TMC5: variants seen among roughly 807,000 people sequenced by gnomAD.
TMC5 encodes the protein transmembrane channel-like protein 5.
A neutral mutation model predicts 110.5 loss-of-function variants in TMC5; 86 were observed. The ratio of observed to expected loss-of-function variants is 0.78; its 90% confidence interval spans 0.65 to 0.93. TMC5 has a LOEUF of 0.93. TMC5 is among the 40% of genes least tolerant of loss of function. TMC5 has a pLI of 0.00. For synonymous variants in TMC5, 455 were observed against 439.5 expected (o/e 1.04, Z -0.44); for missense variants, 1,144 against 1,222.8 (o/e 0.94, Z 0.96).
intron 15 of TMC5, among the ~76,000 whole-genome samples, chr16:19,486,620 A>AC (rs35638661): frequency 0.098 from 14,910 of 151,424 alleles, 969 homozygotes; most frequent in East Asian, 0.36. Context: ...CAGGTGATTC[A>AC]CCCCCTCTTG....
intron 15 of TMC5, among the ~76,000 whole-genome samples, chr16:19,481,953 T>A (rs1287353804): frequency 6.6e-6 from 1 of 152,170 alleles, no homozygotes; most frequent in Non-Finnish European, 1.5e-5. Context: ...GAAGGCAACA[T>A]CTGGGAATCA....
In TMC5 at chr16:19,474,119, C is replaced by G. The variant is rs1968422108; in HGVS notation, c.1939-6C>G. On this transcript the variant is annotated splice_region_variant and splice_polypyrimidine_tract_variant and intron_variant, in intron 11 of 21. Coordinates refer to ENST00000542583, the MANE Select transcript of TMC5 (RefSeq NM_001261841.2). ...AGCCCTCCGTTCTCTCCCCCATCCC[C>G]TGCAGTTCCTGAAGACACACAGTAA... is the stretch of plus-strand genomic sequence containing the variant. 6.2e-7 allele frequency: 1 copy of G among 1,612,956 alleles called. No homozygotes were observed. Among genetic ancestry groups the G allele is most frequent in the Non-Finnish European group, 8.5e-7 (1 of 1,179,772 alleles).
At chr16:19,422,364 A>T (rs1967004164) in intron 1 of TMC5, among the ~76,000 whole-genome samples, 1 of 152,148 alleles carries the variant, frequency 6.6e-6, no homozygotes, top group Non-Finnish European at 1.5e-5. Context: ...GACATTTAGG[A>T]TACTGTATTT....
At chr16:19,481,495 G>C (rs1421854143) in intron 15 of TMC5, 30 bp downstream of exon 15, 1 of 1,504,230 alleles carries the variant, frequency 6.6e-7, no homozygotes, top group East Asian at 2.2e-5. Flanking sequence ...AAAATGCCCA[G>C]TGGTTCCCAC....
At position 19,497,120 on chromosome 16, in the gene TMC5, G is replaced by GC. The variant is rs1311294569; in HGVS notation, c.2932dup (p.Gln978ProfsTer11). 1.2e-6 allele frequency: 2 copies of GC among 1,613,694 alleles called. No homozygotes were observed. The highest frequency in any genetic ancestry group is 2.7e-5 in the African/African-American group (2 of 74,856). On this transcript the variant is annotated frameshift_variant and splice_region_variant. Coordinates refer to ENST00000542583, the MANE Select transcript of TMC5 (RefSeq NM_001261841.2). LOFTEE classifies it high-confidence loss of function. ...TGGCTGCTTGTTTTTTTCTTTTTCA[G>GC]CAACAAGGCTTTTTGCATTTGGGGG... is the stretch of plus-strand genomic sequence containing the variant.
At chr16:19,482,043 A>C (rs1322794628) in intron 15 of TMC5, among the ~76,000 whole-genome samples, 4 of 151,992 alleles carry the variant, frequency 2.6e-5, no homozygotes, top group African/African-American at 9.7e-5. Flanking sequence ...ATAAGAAATA[A>C]ATTTCTGCTG....
intron 5 of TMC5, among the ~76,000 whole-genome samples, chr16:19,451,513 G>A (rs1006513903): frequency 1.3e-5 from 2 of 152,110 alleles, no homozygotes; most frequent in African/African-American, 4.8e-5. Flanking sequence ...CCAGCATGAG[G>A]TTTGGAGACT....
intron 15 of TMC5, among the ~76,000 whole-genome samples, chr16:19,486,363 T>A (rs1968740960): frequency 6.6e-6 from 1 of 152,106 alleles, no homozygotes; most frequent in African/African-American, 2.4e-5. Flanking sequence ...TCTGTGTGTG[T>A]CTATGTCCTA....
chr16:19,418,058 A>T lies in TMC5; in HGVS notation c.-342A>T, dbSNP rs1399690122. The T allele has an allele frequency of 6.6e-6, 1 of 152,064 alleles. No homozygotes were observed. Among genetic ancestry groups the T allele is most frequent in the Non-Finnish European group, 1.5e-5 (1 of 68,040 alleles). 9.4% of individuals were successfully genotyped at this position (152,064 alleles called of 1,614,324 possible). On this transcript the variant is annotated 5_prime_UTR_variant, in exon 1 of 22. The change creates a new upstream start codon in the 5' untranslated region. Transcript: ENST00000542583. ...GCTTTGAACTACAAAGTGGAGGGGAAGTTTGTCTGGATTTTCCTGTAGAAC... is the reference window on the plus strand; with the variant it reads ...GCTTTGAACTACAAAGTGGAGGGGATGTTTGTCTGGATTTTCCTGTAGAAC...
rs1208254231 is a variant in TMC5 at position 19,440,014 on chromosome 16, TCCAGGGTGAAGAGTCCATA to T, written c.-21_-3del. 6.3e-7 allele frequency: 1 copy of T among 1,581,472 alleles called. No homozygotes were observed. The highest frequency in any genetic ancestry group is 1.4e-5 in the African/African-American group (1 of 73,832). On this transcript the variant is annotated 5_prime_UTR_variant, in exon 3 of 22. It removes the in-frame stop codon of an upstream open reading frame in the 5' UTR. Coordinates refer to ENST00000542583, the MANE Select transcript of TMC5 (RefSeq NM_001261841.2). Reference sequence around the variant, plus strand: ...TGCAAATGCTGGGACAGTTTACCACTCCAGGGTGAAGAGTCCATACCAACATGTCTGCCTACTACAGGAA... The same window carrying T: ...TGCAAATGCTGGGACAGTTTACCACTCCAACATGTCTGCCTACTACAGGAA...
intron 1 of TMC5, chr16:19,411,557 C>G (rs1440677491): frequency 6.6e-6 from 1 of 152,156 alleles, no homozygotes; most frequent in Admixed American, 6.5e-5. Context: ...ATTATCTAAT[C>G]CAGGTCCCAC....
upstream of TMC5, among the ~76,000 whole-genome samples, chr16:19,415,407 GT>G (rs1201584482): frequency 6.6e-6 from 1 of 152,100 alleles, no homozygotes; most frequent in Non-Finnish European, 1.5e-5. Flanking sequence ...GACATTTTTG[GT>G]TGTCGTAGCT....
At position 19,440,827 on chromosome 16, in the gene TMC5, G is replaced by T. The variant is rs1436011139; in HGVS notation, c.788+1G>T. On this transcript the variant is annotated splice_donor_variant, in intron 3 of 21. Coordinates refer to ENST00000542583, the MANE Select transcript of TMC5 (RefSeq NM_001261841.2). LOFTEE classifies it high-confidence loss of function. ...CTGAGACCCCAAAGATGACCAGGGGGTAAGTTCAGATATATATCCCTTCAC... is the reference window on the plus strand; with the variant it reads ...CTGAGACCCCAAAGATGACCAGGGGTTAAGTTCAGATATATATCCCTTCAC... The T allele has an allele frequency of 3.7e-6, 6 of 1,611,528 alleles. No individual in the cohort carries two copies. Among genetic ancestry groups the T allele is most frequent in the Non-Finnish European group, 4.2e-6 (5 of 1,179,104 alleles).
chr16:19,484,216 C>G (rs1567324206), intron 15 of TMC5, among the ~76,000 whole-genome samples: 1 of 152,078 alleles, frequency 6.6e-6, no homozygotes, highest in Non-Finnish European at 1.5e-5. Flanking sequence ...TTAAAGTTGC[C>G]CTGGGTGATT....
At chr16:19,443,610 C>T (rs1378968861) in intron 3 of TMC5, among the ~76,000 whole-genome samples, 2 of 152,200 alleles carry the variant, frequency 1.3e-5, no homozygotes, top group Non-Finnish European at 2.9e-5. Flanking sequence ...GTATTCTCAC[C>T]TTCTAGCCCA....
intron 13 of TMC5, 25 bp from the exon 14 acceptor site, chr16:19,479,406 A>C: frequency 6.4e-7 from 1 of 1,569,938 alleles, no homozygotes; most frequent in African/African-American, 1.3e-5. Context: ...CCCTTCCCAC[A>C]TCCTGACTCT....
At position 19,463,278 on chromosome 16, in the gene TMC5, A is replaced by G; in HGVS notation, c.1149-2A>G. ...CTCATTTTCTCTTGCTGTTCCCTAC[A>G]GGAAAATAGTTGACAAAGAAAAAAG... On this transcript the variant is annotated splice_acceptor_variant, in intron 6 of 21. Transcript: ENST00000542583. LOFTEE classifies it high-confidence loss of function. 2 of 1,611,136 alleles carry G rather than the reference A, an allele frequency of 1.2e-6. No homozygotes were observed. Among genetic ancestry groups the G allele is most frequent in the Non-Finnish European group, 8.5e-7 (1 of 1,177,254 alleles).
At chr16:19,486,878 A>G in intron 15 of TMC5, 67 bp from the exon 16 acceptor site, 1 of 1,410,640 alleles carries the variant, frequency 7.1e-7, no homozygotes, top group Non-Finnish European at 1.0e-6. Flanking sequence ...CCCCCCAACC[A>G]TCCCAGATTC....
chr16:19,498,177 A>C lies in TMC5; in HGVS notation c.*211A>C, dbSNP rs1969105004. ...CTGGATTGCTGATTTTTCAAGACAA[A>C]ATACTTGGGGTTTTCCAATAAAGAT... On this transcript the variant is annotated 3_prime_UTR_variant, in exon 22 of 22. Transcript: ENST00000542583. The C allele has an allele frequency of 1.1e-5, 6 of 561,434 alleles. No individual in the cohort carries two copies. The highest frequency in any genetic ancestry group is 3.3e-5 in the Admixed American group (1 of 29,898). The allele number at this position is 561,434 out of a possible 1,614,324, so 34.8% of individuals were successfully genotyped here.
Sources: allele counts gnomAD v4.1 joint callset (sites outside exome capture counted in the v4.1 genomes callset), GRCh38; gene constraint gnomAD v4.1.1; transcripts MANE v1.5; gene names NCBI Gene and HGNC (gene_info 2026-07-23, HGNC 2026-07-21).